The following MEGF11 variants were observed in gnomAD, a reference collection of about 807,000 sequenced individuals.
MEGF11 encodes multiple EGF like domains 11, also known as multiple epidermal growth factor-like domains protein 11.
MEGF11 carries 126 observed loss-of-function variants against 146.6 expected under a neutral mutation model. That is an observed-to-expected ratio of 0.86 (90% CI 0.74 to 1.00). The LOEUF is 1.00. Ranked by LOEUF, MEGF11 falls within the 50% of genes least tolerant of loss-of-function variation. The pLI is 0.00. For synonymous variants in MEGF11, 532 were observed against 583.4 expected (o/e 0.91, Z 1.27); for missense variants, 1,509 against 1,521.2 (o/e 0.99, Z 0.13).
intron 4 of MEGF11, among the ~76,000 whole-genome samples, chr15:66,118,217 C>T (rs890089541): frequency 6.6e-6 from 1 of 152,030 alleles, no homozygotes; most frequent in South Asian, 2.1e-4. Context: ...GTCCACTGGC[C>T]CCATGTCACT....
At position 66,138,009 on chromosome 15, in the gene MEGF11, T is replaced by C. The variant is rs759552542; in HGVS notation, c.-8-9598A>G. Among the ~76,000 whole-genome samples, 6 of 152,214 alleles carry C rather than the reference T, an allele frequency of 3.9e-5. No individual in the cohort carries two copies. The East Asian group carries it at 1.2e-3, about 29-fold the overall frequency. ...CGGAGTTTGAGGCTACAGTGAGCTA[T>C]GATTGTGCCACTGGGTGAGATCCAA... On this transcript the variant is annotated intron_variant, in intron 1 of 25. Transcript: ENST00000395614.
intron 10 of MEGF11, among the ~76,000 whole-genome samples, chr15:65,940,674 A>G (rs1388470439): frequency 6.6e-6 from 1 of 152,200 alleles, no homozygotes; most frequent in Non-Finnish European, 1.5e-5. Flanking sequence ...TGAGAAAGAG[A>G]GAGACTTGGA....
At chr15:66,096,822 G>A (rs1174566109) in intron 4 of MEGF11, among the ~76,000 whole-genome samples, 1 of 152,162 alleles carries the variant, frequency 6.6e-6, no homozygotes, top group African/African-American at 2.4e-5. Context: ...AAGCTGGGGG[G>A]GAACAGCCTT....
At chr15:66,113,508 A>G (rs893592942) in intron 4 of MEGF11, among the ~76,000 whole-genome samples, 5 of 152,218 alleles carry the variant, frequency 3.3e-5, no homozygotes, top group African/African-American at 9.7e-5. Context: ...TGCCCGCTGC[A>G]GTGAGGCATG....
At chr15:66,250,557 C>T (rs1053789619) in intron 1 of MEGF11, among the ~76,000 whole-genome samples, 5 of 152,162 alleles carry the variant, frequency 3.3e-5, no homozygotes, top group African/African-American at 9.7e-5. Context: ...TTGCTGACTA[C>T]GTGTTCCTGC....
At chr15:66,015,592 G>A (rs1329244705) in intron 5 of MEGF11, among the ~76,000 whole-genome samples, 1 of 152,230 alleles carries the variant, frequency 6.6e-6, no homozygotes, top group African/African-American at 2.4e-5. Flanking sequence ...CATGAAAAAG[G>A]GGGTAAGGAG....
chr15:66,011,420 A>G (rs2082707817), intron 5 of MEGF11, among the ~76,000 whole-genome samples: 1 of 152,178 alleles, frequency 6.6e-6, no homozygotes, highest in Non-Finnish European at 1.5e-5. Flanking sequence ...ACACTGGGAC[A>G]AGAAAAAGCG....
At chr15:66,044,315 A>G (rs1455282752) in intron 5 of MEGF11, among the ~76,000 whole-genome samples, 1 of 152,178 alleles carries the variant, frequency 6.6e-6, no homozygotes, top group Non-Finnish European at 1.5e-5. Flanking sequence ...TAGACACTGA[A>G]TTGTGATCAT....
chr15:65,969,737 T>C (rs1316816389), intron 8 of MEGF11, among the ~76,000 whole-genome samples: 1 of 151,706 alleles, frequency 6.6e-6, no homozygotes, highest in African/African-American at 2.4e-5. Context: ...CTGAGAAGAG[T>C]ATAAAGTCCA....
intron 22 of MEGF11, among the ~76,000 whole-genome samples, chr15:65,909,342 CTCCT>C (rs1157802612): frequency 1.3e-5 from 2 of 152,042 alleles, no homozygotes; most frequent in Non-Finnish European, 2.9e-5. Flanking sequence ...TGTTTCCCCT[CTCCT>C]TCCCTCCCTC....
rs918387333 is a variant in MEGF11, at chr15:65,986,718, G to A, written c.395-4230C>T. Among the ~76,000 whole-genome samples the A allele has an allele frequency of 3.3e-5, 5 of 150,882 alleles. No individual in the cohort carries two copies. In the East Asian group the frequency reaches 5.8e-4, roughly 18 times the overall value. ...ACTCTTACCAATTTGGCCTTGGAAT[G>A]TCACCCCTCACACATTTCTTTTTTT... On this transcript the variant is annotated intron_variant, in intron 5 of 25. Transcript: ENST00000395614.
intron 10 of MEGF11, among the ~76,000 whole-genome samples, chr15:65,950,250 C>A (rs1378903174): frequency 6.6e-6 from 1 of 152,124 alleles, no homozygotes; most frequent in African/African-American, 2.4e-5. Context: ...TTAGTCAGCC[C>A]AATAATCCTA....
intron 24 of MEGF11, among the ~76,000 whole-genome samples, chr15:65,904,145 AG>A (rs1398873786): frequency 2.0e-5 from 3 of 152,344 alleles, no homozygotes; most frequent in African/African-American, 7.2e-5. Flanking sequence ...CACAGTGCAT[AG>A]GAAAGTTGTG....
intron 25 of MEGF11, 193 bp from the exon 26 acceptor site, chr15:65,898,287 C>G: frequency 1.0e-6 from 1 of 985,378 alleles, no homozygotes; most frequent in Non-Finnish European, 1.2e-6. Context: ...ACATCCAAGC[C>G]TCTCATCAAC....
chr15:66,240,671 A>T (rs2092192061), intron 1 of MEGF11, among the ~76,000 whole-genome samples: 1 of 152,244 alleles, frequency 6.6e-6, no homozygotes, highest in Non-Finnish European at 1.5e-5. Flanking sequence ...CTCCTCTTAC[A>T]GATGAGAAGC....
rs762456592 is a variant in MEGF11 at position 65,913,847 on chromosome 15, C to G, written c.2600G>C (p.Gly867Ala). 1.2e-6 allele frequency: 2 copies of G among 1,614,016 alleles called. No individual in the cohort carries two copies. Among genetic ancestry groups the G allele is most frequent in the South Asian group, 2.2e-5 (2 of 91,090 alleles). Reference protein sequence around the residue: ...LLLFLIVVLLGLFAWHRRRQK... With the variant: ...LLLFLIVVLLALFAWHRRRQK... The stretch of plus-strand genomic sequence containing the variant: ...CCGCCGCCGATGCCAGGCAAATAGG[C>G]CCAGCAGCACCACAATGAGGAATAA... The change falls in exon 20 of 26, where the codon GGC becomes GCC. Residue 867 changes from glycine to alanine, a missense_variant. Gly to Ala is a moderately conservative substitution (Grantham distance 60). Coordinates refer to ENST00000395614, the MANE Select transcript of MEGF11 (RefSeq NM_001385028.1).
chr15:65,955,793 T>TATATACACACACAC (rs1555455862), intron 10 of MEGF11, among the ~76,000 whole-genome samples: 5 of 6,780 alleles, frequency 7.4e-4, no homozygotes, highest in Admixed American at 2.5e-3. Context: ...TATATATATA[T>TATATACACACACAC]ACACACACAC....
intron 5 of MEGF11, among the ~76,000 whole-genome samples, chr15:66,060,739 C>T (rs1186588887): frequency 1.3e-5 from 2 of 152,196 alleles, no homozygotes; most frequent in Non-Finnish European, 2.9e-5. Context: ...CTGTTCATCC[C>T]GTGTCCTCGC....
At chr15:65,908,696 C>G (rs2141172408) in intron 23 of MEGF11, among the ~76,000 whole-genome samples, 1 of 152,292 alleles carries the variant, frequency 6.6e-6, no homozygotes, top group Admixed American at 6.5e-5. Context: ...CCAGAGAACC[C>G]CAAAGATGTC....
Sources: gnomAD v4.1 joint callset for allele counts (sites outside exome capture counted in the v4.1 genomes callset) on GRCh38, gnomAD v4.1.1 for gene constraint, MANE v1.5 for transcripts, NCBI Gene and HGNC (gene_info 2026-07-23, HGNC 2026-07-21) for gene names.